The following MLLT3 variants were observed in gnomAD, a reference collection of about 807,000 sequenced individuals.
The protein encoded by MLLT3 is protein AF-9.
In MLLT3, 4 loss-of-function variants were observed where a neutral mutation model predicts 53.2. The observed-to-expected ratio is 0.08, with a 90% CI of 0.04 to 0.17. The LOEUF (loss-of-function observed/expected upper bound fraction) is 0.17. MLLT3 is among the 10% of genes least tolerant of loss of function. The pLI is 1.00. For synonymous variants in MLLT3, 283 were observed against 230.6 expected, an observed-to-expected ratio of 1.23 and a Z score of -2.06; for missense variants, 569 against 684.0, an observed-to-expected ratio of 0.83 and a Z score of 1.87.
At chr9:20,429,476 C>G (rs1823214645) in intron 4 of MLLT3, among the ~76,000 whole-genome samples, 1 of 151,958 alleles carries the variant, frequency 6.6e-6, no homozygotes, top group Non-Finnish European at 1.5e-5. Context: ...AAGCATATGG[C>G]CTAATCTAAC....
In MLLT3 at chr9:20,621,269, A is replaced by G. The variant is rs1820999243; in HGVS notation, c.13-435T>C. Among the ~76,000 whole-genome samples, 1 of 152,190 alleles carries G rather than the reference A, an allele frequency of 6.6e-6. No individual in the cohort carries two copies. Among genetic ancestry groups the G allele is most frequent in the Non-Finnish European group, 1.5e-5 (1 of 68,026 alleles). On this transcript the variant is annotated intron_variant, in intron 1 of 10. Coordinates refer to ENST00000380338, the MANE Select transcript of MLLT3 (RefSeq NM_004529.4). The surrounding 1 kb of genome is among the most constrained non-coding windows in gnomAD (Gnocchi z 7.0). ...GCTCCTGGCGAGCCCCCTCCCCGAA[A>G]GTACCGCGGCGACAGGCACACGCCG...
Position 20,469,155 on chromosome 9 carries a change from C to A in MLLT3, c.194-12369G>T, listed in dbSNP as rs973492977. The stretch of plus-strand genomic sequence containing the variant: ...GTCACCTTAAATGTGTCAAGTAAAA[C>A]CCTGTTTTACATGTATAAATCAAAC... On this transcript the variant is annotated intron_variant, in intron 2 of 10. Transcript: ENST00000380338. 9.2e-5 allele frequency among the ~76,000 whole-genome samples: 14 copies of A among 152,210 alleles called. 1 individual carries two copies. The highest frequency in any genetic ancestry group is 2.1e-4 in the South Asian group (1 of 4,812).
intron 2 of MLLT3, among the ~76,000 whole-genome samples, chr9:20,552,793 G>C (rs1818957218): frequency 6.6e-6 from 1 of 152,008 alleles, no homozygotes; most frequent in Non-Finnish European, 1.5e-5. Flanking sequence ...TCAAATATAA[G>C]ACTAGTATTA....
intron 2 of MLLT3, among the ~76,000 whole-genome samples, chr9:20,569,696 T>C (rs908251854): frequency 6.6e-6 from 1 of 152,178 alleles, no homozygotes; most frequent in Non-Finnish European, 1.5e-5. Flanking sequence ...TCTAAAGGTT[T>C]GGAGTGAAGA....
chr9:20,353,558 T>C lies in MLLT3; in HGVS notation c.1542A>G (p.Leu514=), dbSNP rs753720054. The C allele has an allele frequency of 6.2e-7, 1 of 1,614,126 alleles. No homozygotes were observed. The highest frequency in any genetic ancestry group is 8.5e-7 in the Non-Finnish European group (1 of 1,179,944). ...GAATGTGTCTTTCTCTCAATGTCAT[T>C]AACCTTCTGTGAAGCTCTACCAGTT... The part of the protein sequence containing the change: ...LDELVELHRR[L]MTLRERHILQ... Residue 514 remains leucine (L), a synonymous_variant, in exon 10 of 11, where the codon TTA becomes TTG. Coordinates refer to ENST00000380338, the MANE Select transcript of MLLT3 (RefSeq NM_004529.4).
intron 2 of MLLT3, among the ~76,000 whole-genome samples, chr9:20,458,228 C>T (rs900099239): frequency 6.6e-6 from 1 of 152,220 alleles, no homozygotes; most frequent in Non-Finnish European, 1.5e-5. Flanking sequence ...TACCTTGACA[C>T]TGAACAGAGT....
rs549522933 is a variant in MLLT3, at chr9:20,424,270, A to C, written c.421-9845T>G. 1.2e-4 allele frequency among the ~76,000 whole-genome samples: 18 copies of C among 152,328 alleles called. No homozygotes were observed. In the South Asian group the frequency reaches 3.5e-3, roughly 30 times the overall value. ...AACTTTGAGTCTTTTGGTACTAAAT[A>C]AATATTTTTAAGTTGATAAACTTAT... is the stretch of plus-strand genomic sequence containing the variant. On this transcript the variant is annotated intron_variant, in intron 4 of 10. Transcript: ENST00000380338.
intron 2 of MLLT3, among the ~76,000 whole-genome samples, chr9:20,514,170 G>T (rs897151605): frequency 1.3e-5 from 2 of 152,154 alleles, no homozygotes; most frequent in African/African-American, 2.4e-5. Flanking sequence ...GAAGTGTAGG[G>T]GTGTACATTT....
chr9:20,539,414 G>A (rs1209369821), intron 2 of MLLT3, among the ~76,000 whole-genome samples: 1 of 152,122 alleles, frequency 6.6e-6, no homozygotes, highest in Admixed American at 6.5e-5. Flanking sequence ...AAATAAAAGA[G>A]GTTTAATTGA....
At chr9:20,361,234 G>A (rs932932058) in intron 7 of MLLT3, among the ~76,000 whole-genome samples, 9 of 152,106 alleles carry the variant, frequency 5.9e-5, no homozygotes, top group African/African-American at 2.2e-4. Context: ...TACCTACTAT[G>A]ATCAAGCATG....
intron 2 of MLLT3, among the ~76,000 whole-genome samples, chr9:20,477,367 G>A (rs1220822886): frequency 6.6e-6 from 1 of 152,054 alleles, no homozygotes; most frequent in Non-Finnish European, 1.5e-5. Context: ...AGAGAGGAGT[G>A]AAACAACTGG....
At chr9:20,598,950 T>C (rs1820344064) in intron 2 of MLLT3, among the ~76,000 whole-genome samples, 1 of 152,212 alleles carries the variant, frequency 6.6e-6, no homozygotes, top group Non-Finnish European at 1.5e-5. Flanking sequence ...AAAAGCACAA[T>C]ATTCAATGAT....
intron 4 of MLLT3, among the ~76,000 whole-genome samples, chr9:20,424,824 C>A (rs1823102334): frequency 6.6e-6 from 1 of 152,148 alleles, no homozygotes; most frequent in African/African-American, 2.4e-5. Flanking sequence ...AATATTACCA[C>A]AATATTACCT....
intron 2 of MLLT3, among the ~76,000 whole-genome samples, chr9:20,596,914 T>C (rs542337290): frequency 2.0e-5 from 3 of 152,276 alleles, no homozygotes; most frequent in African/African-American, 7.2e-5. Context: ...AGTCTCCCAA[T>C]CCATGAACAT....
chr9:20,381,271 T>G (rs955156478), intron 5 of MLLT3, among the ~76,000 whole-genome samples: 2 of 151,956 alleles, frequency 1.3e-5, no homozygotes, highest in African/African-American at 4.8e-5. Flanking sequence ...TATTAACTAT[T>G]TGGACATCAT....
intron 7 of MLLT3, among the ~76,000 whole-genome samples, chr9:20,361,118 T>C (rs760867668): frequency 2.0e-5 from 3 of 152,080 alleles, no homozygotes; most frequent in Admixed American, 6.6e-5. Flanking sequence ...CAGGTAAAAA[T>C]GGTGGCTCTG....
At chr9:20,466,332 A>G (rs1824237634) in intron 2 of MLLT3, among the ~76,000 whole-genome samples, 1 of 152,180 alleles carries the variant, frequency 6.6e-6, no homozygotes. Context: ...CAAGTTAGGG[A>G]GACTTAACCT....
chr9:20,483,508 C>T (rs1277547569), intron 2 of MLLT3, among the ~76,000 whole-genome samples: 1 of 151,804 alleles, frequency 6.6e-6, no homozygotes, highest in African/African-American at 2.4e-5. Flanking sequence ...GCCGGGATTA[C>T]AGGCATGAGC....
intron 2 of MLLT3, among the ~76,000 whole-genome samples, chr9:20,587,754 T>C (rs962927160): frequency 1.3e-5 from 2 of 152,040 alleles, no homozygotes; most frequent in Non-Finnish European, 2.9e-5. Flanking sequence ...CTTTGTCAGA[T>C]GAGTAGGTTG....
Sources: allele counts gnomAD v4.1 joint callset (sites outside exome capture counted in the v4.1 genomes callset), GRCh38; gene constraint gnomAD v4.1.1; non-coding constraint Gnocchi (gnomAD v3.1); transcripts MANE v1.5; gene names NCBI Gene and HGNC (gene_info 2026-07-23, HGNC 2026-07-21).